The following ANKLE2 variants were observed in gnomAD, a reference collection of about 807,000 sequenced individuals.
The protein encoded by ANKLE2 is ankyrin repeat and LEM domain containing 2, also known as ankyrin repeat and LEM domain-containing protein 2.
Under a neutral mutation model 84.2 loss-of-function variants are expected in ANKLE2, and 55 were observed. That is an observed-to-expected ratio of 0.65 (90% CI 0.53 to 0.82). ANKLE2 has a LOEUF of 0.82. Among genes scored for constraint, ANKLE2 ranks in the 40% least tolerant of loss-of-function variants. The pLI is 0.00. For synonymous variants in ANKLE2, 551 were observed against 486.1 expected, an observed-to-expected ratio of 1.13 and a Z score of -1.76; for missense variants, 1,238 against 1,201.9, an observed-to-expected ratio of 1.03 and a Z score of -0.44.
At position 132,755,421 on chromosome 12, in the gene ANKLE2, T is replaced by A. The variant is rs189733711; in HGVS notation, c.182-288A>T. 993 of 262,582 alleles carry A rather than the reference T, an allele frequency of 3.8e-3. 10 individuals carry two copies. The highest frequency in any genetic ancestry group is 0.021 in the African/African-American group (926 of 43,956). The allele number at this position is 262,582 out of a possible 1,614,324, so 16.3% of individuals were successfully genotyped here. A position where few individuals can be genotyped will look rare whatever the true frequency, so the allele number is the denominator to read the frequency against. ...TTAGCCGGGTGTGGTGGCGGATGCCTGTAATCCCAGCTACTTGGGAGGCTG... is the reference window on the plus strand; with the variant it reads ...TTAGCCGGGTGTGGTGGCGGATGCCAGTAATCCCAGCTACTTGGGAGGCTG... On this transcript the variant is annotated intron_variant, in intron 1 of 12. Transcript: ENST00000357997.
intron 1 of ANKLE2, chr12:132,760,914 A>G (rs1345678568): frequency 6.6e-6 from 1 of 152,194 alleles, no homozygotes; most frequent in Non-Finnish European, 1.5e-5. Flanking sequence ...CCCCATCCAG[A>G]AGCTCCCTAG....
chr12:132,743,219 C>T lies in ANKLE2; in HGVS notation c.1288G>A (p.Val430Met), dbSNP rs746049596. Reference protein sequence around the residue: ...CKFGNADVVNVLSSHHLIVKN... With the variant: ...CKFGNADVVNMLSSHHLIVKN... Reference sequence around the variant, plus strand: ...ACAATCAAATGGTGTGACGAAAGCACGTTGACTACATCTGCATTTCCAAAC... The same window carrying T: ...ACAATCAAATGGTGTGACGAAAGCATGTTGACTACATCTGCATTTCCAAAC... The change falls in exon 6 of 13, where the codon GTG becomes ATG. Residue 430 changes from valine to methionine, a missense_variant. Physicochemically the swap from Val to Met is conservative, Grantham distance 21. Transcript: ENST00000357997. This position sits in a 1 kb window ranked among gnomAD's most constrained non-coding sequence, Gnocchi z 4.1. 10 of 1,612,022 alleles carry T rather than the reference C, an allele frequency of 6.2e-6. No homozygotes were observed. Among genetic ancestry groups the T allele is most frequent in the East Asian group, 4.5e-5 (2 of 44,842 alleles).
At chr12:132,745,276 G>T in intron 5 of ANKLE2, 1 of 195,730 alleles carries the variant, frequency 5.1e-6, no homozygotes, top group South Asian at 1.2e-4. Context: ...TTGAGGGTCT[G>T]ACAGAGGCTG....
chr12:132,738,897 G>A (rs2044066866), intron 7 of ANKLE2: 1 of 152,104 alleles, frequency 6.6e-6, no homozygotes, highest in African/African-American at 2.4e-5. Flanking sequence ...CGGTCAACTG[G>A]ATAAAGAAAA....
Position 132,734,436 on chromosome 12 carries a change from G to T in ANKLE2, c.1840C>A (p.Gln614Lys), listed in dbSNP as rs751269982. The part of the protein sequence containing the change: ...TQQEIGKKAQ[Q>K]ETGEREASCR... ...GAGGCTTCCCGTTCTCCTGTTTCTTGTTGAGCCTTTTTGCCTATTTCCTGC... is the reference window on the plus strand; with the variant it reads ...GAGGCTTCCCGTTCTCCTGTTTCTTTTTGAGCCTTTTTGCCTATTTCCTGC... Residue 614 changes from glutamine (Q) to lysine (K), a missense_variant, in exon 10 of 13, where the codon CAA (glutamine) becomes AAA (lysine). This residue lies in a region of ANKLE2 where 802 missense variants were observed against 774.5 expected (regional missense o/e 1.04). Transcript: ENST00000357997. 7.4e-6 allele frequency: 12 copies of T among 1,614,178 alleles called. No homozygotes were observed. The highest frequency in any genetic ancestry group is 3.3e-5 in the South Asian group (3 of 91,086).
In ANKLE2 at chr12:132,743,856, C is replaced by T. The variant is rs1358735402; in HGVS notation, c.1231-580G>A. ...AGCTTTAACCATTCAGGGCCCAGTA[C>T]AATGTCATGTAAAACATGCCCAGGA... On this transcript the variant is annotated intron_variant, in intron 5 of 12. Coordinates refer to ENST00000357997, the MANE Select transcript of ANKLE2 (RefSeq NM_015114.3). The surrounding 1 kb of genome is among the most constrained non-coding windows in gnomAD (Gnocchi z 4.1). Among the ~76,000 whole-genome samples the T allele has an allele frequency of 1.3e-5, 2 of 152,162 alleles. No homozygotes were observed. The highest frequency in any genetic ancestry group is 4.8e-5 in the African/African-American group (2 of 41,430).
chr12:132,730,537 C>T, intron 10 of ANKLE2: 1 of 434,832 alleles, frequency 2.3e-6, no homozygotes, highest in Non-Finnish European at 4.2e-6. Context: ...AATCAGGCTG[C>T]TGGGGCCAGG....
At chr12:132,735,383 G>A (rs923143362) in intron 9 of ANKLE2, 23 bp downstream of exon 9, 15 of 1,601,698 alleles carry the variant, frequency 9.4e-6, no homozygotes, top group Admixed American at 1.7e-5. Flanking sequence ...GCCCCACGCT[G>A]CTGCGGCTCA....
intron 12 of ANKLE2, 129 bp downstream of exon 12, chr12:132,727,903 C>T (rs1171738589): frequency 1.3e-4 from 170 of 1,329,542 alleles, no homozygotes; most frequent in Non-Finnish European, 1.6e-4. Flanking sequence ...CACCCAAATC[C>T]ACAGCCTGGC....
Position 132,728,097 on chromosome 12 carries a change from A to G in ANKLE2, c.2550T>C (p.His850=). The part of the protein sequence containing the change: ...AALECADVDP[H]QFPAVHRWKS... ...TCCATCTGTGCACGGCCGGGAACTG[A>G]TGGGGGTCGACGTCTGCACATTCAA... Residue 850 remains histidine, a synonymous_variant, in exon 12 of 13, where the codon CAT becomes CAC. Coordinates refer to ENST00000357997, the MANE Select transcript of ANKLE2 (RefSeq NM_015114.3). 1.2e-6 allele frequency: 2 copies of G among 1,612,968 alleles called. No homozygotes were observed. The highest frequency in any genetic ancestry group is 8.5e-7 in the Non-Finnish European group (1 of 1,179,944).
intron 5 of ANKLE2, among the ~76,000 whole-genome samples, chr12:132,744,931 C>T (rs906501798): frequency 2.6e-5 from 4 of 152,210 alleles, no homozygotes; most frequent in African/African-American, 9.6e-5. Context: ...CCGCCTGCCT[C>T]GGCCTCCCAA....
At chr12:132,757,888 G>A (rs1415670226) in intron 1 of ANKLE2, 2 of 151,236 alleles carry the variant, frequency 1.3e-5, no homozygotes, top group Non-Finnish European at 2.9e-5. Flanking sequence ...GGGGGCTGAG[G>A]AAGGAGGATA....
intron 7 of ANKLE2, among the ~76,000 whole-genome samples, chr12:132,740,031 C>T (rs1199448641): frequency 1.3e-5 from 2 of 152,234 alleles, no homozygotes; most frequent in African/African-American, 4.8e-5. Context: ...TTCCTAAATA[C>T]CATCACAAAG....
Position 132,730,003 on chromosome 12 carries a change from C to T in ANKLE2, c.2159G>A (p.Arg720His), listed in dbSNP as rs10781634. 0.37 allele frequency: 601,277 copies of T among 1,612,942 alleles called. 117,179 individuals carry two copies. The highest frequency in any genetic ancestry group is 0.4 in the Non-Finnish European group (474,720 of 1,179,804). Residue 720 changes from arginine to histidine, a missense_variant, in exon 11 of 13, where the codon CGT (arginine) becomes CAT (histidine). Transcript: ENST00000357997. ...TLAGKRPKAP[R>H]GEEAHLPPVS... is the part of the protein sequence containing the mutation. ...AGGTGGCAGATGGGCTTCCTCCCCA[C>T]GGGGGGCCTTTGGTCTCTTGCCCGC...
In ANKLE2 at chr12:132,726,914, A is replaced by G; in HGVS notation, c.*328T>C. ...CGGATGAGGTGAGTACAGGGTAAGTACAGGGCTGCCTGCCTGCAACTGCCT... is the reference window on the plus strand; with the variant it reads ...CGGATGAGGTGAGTACAGGGTAAGTGCAGGGCTGCCTGCCTGCAACTGCCT... On this transcript the variant is annotated 3_prime_UTR_variant, in exon 13 of 13. Transcript: ENST00000357997. The G allele has an allele frequency of 3.1e-6, 1 of 327,848 alleles. No individual in the cohort carries two copies. Among genetic ancestry groups the G allele is most frequent in the South Asian group, 5.1e-5 (1 of 19,756 alleles). 20.3% of individuals were successfully genotyped at this position (327,848 alleles called of 1,614,324 possible). A position where few individuals can be genotyped will look rare whatever the true frequency, so the allele number is the denominator to read the frequency against.
chr12:132,751,215 T>C (rs151152558), intron 2 of ANKLE2: 228 of 164,358 alleles, frequency 1.4e-3, no homozygotes, highest in African/African-American at 5.3e-3. Flanking sequence ...TTAAACACAA[T>C]TTTGAACAGG....
At chr12:132,757,063 G>A (rs1365203187) in intron 1 of ANKLE2, 1 of 152,224 alleles carries the variant, frequency 6.6e-6, no homozygotes, top group East Asian at 1.9e-4. Context: ...GTAACACAGG[G>A]GAAGCTAACC....
At chr12:132,727,525 GACTCA>G (rs2043725113) in intron 12 of ANKLE2, 82 bp from the exon 13 acceptor site, 1 of 1,211,130 alleles carries the variant, frequency 8.3e-7, no homozygotes, top group Non-Finnish European at 1.1e-6. Flanking sequence ...AATGGCCCCA[GACTCA>G]GGCACATGCG....
intron 5 of ANKLE2, among the ~76,000 whole-genome samples, chr12:132,746,077 G>A (rs986747147): frequency 9.9e-5 from 15 of 152,192 alleles, no homozygotes; most frequent in Non-Finnish European, 1.9e-4. Flanking sequence ...GGCCAGGCAC[G>A]GTGGCTCACG....
Sources: gnomAD v4.1 joint callset for allele counts (sites outside exome capture counted in the v4.1 genomes callset) on GRCh38, gnomAD v4.1.1 for gene constraint, gnomAD v4.1.1 regional missense constraint, Gnocchi (gnomAD v3.1) non-coding constraint, MANE v1.5 for transcripts, NCBI Gene and HGNC (gene_info 2026-07-23, HGNC 2026-07-21) for gene names.